The following USP15 variants were observed in gnomAD, a reference collection of about 807,000 sequenced individuals.
USP15 encodes ubiquitin carboxyl-terminal hydrolase 15.
USP15 carries 18 observed loss-of-function variants against 127.1 expected under a neutral mutation model. That is an observed-to-expected ratio of 0.14 (90% CI 0.10 to 0.21). The LOEUF (loss-of-function observed/expected upper bound fraction) is 0.21. Among genes scored for constraint, USP15 ranks in the 10% least tolerant of loss-of-function variants. The probability of loss-of-function intolerance (pLI) is 1.00; values close to 1 mark genes in which losing one functional copy is unlikely to be tolerated. For missense variants in USP15, 805 were observed against 1,159.9 expected, an observed-to-expected ratio of 0.69 and a Z score of 4.44; for synonymous variants, 364 against 393.7, an observed-to-expected ratio of 0.92 and a Z score of 0.89.
At chr12:62,276,897 T>C (rs915102163) in intron 1 of USP15, among the ~76,000 whole-genome samples, 12 of 152,126 alleles carry the variant, frequency 7.9e-5, no homozygotes, top group Non-Finnish European at 1.0e-4. Flanking sequence ...TTTTATGCAT[T>C]TTGCTGTGTA....
At chr12:62,374,614 A>C (rs2066765979) in intron 8 of USP15, 1 of 967,716 alleles carries the variant, frequency 1.0e-6, no homozygotes, top group Admixed American at 6.2e-5. Flanking sequence ...TGTTGACTGA[A>C]GACTTGAGAT....
intron 5 of USP15, among the ~76,000 whole-genome samples, chr12:62,322,267 G>C (rs2065005702): frequency 6.6e-6 from 1 of 151,960 alleles, no homozygotes; most frequent in Non-Finnish European, 1.5e-5. Flanking sequence ...AGCTGGGACT[G>C]CAGACATGTG....
chr12:62,325,023 T>G lies in USP15; in HGVS notation c.622-849T>G, dbSNP rs1005358287. Among the ~76,000 whole-genome samples, 6 of 152,194 alleles carry G rather than the reference T, an allele frequency of 3.9e-5. 1 individual carries two copies. Among genetic ancestry groups the G allele is most frequent in the African/African-American group, 1.4e-4 (6 of 41,580 alleles). On this transcript the variant is annotated intron_variant, in intron 5 of 21. Coordinates refer to ENST00000280377, the MANE Select transcript of USP15 (RefSeq NM_001252078.2). ...GTCATATTGTCTGTATTACAGTTTT[T>G]CAATGGAAATTGTAGATTTTAACTT...
intron 20 of USP15, among the ~76,000 whole-genome samples, chr12:62,399,661 A>G (rs1164144665): frequency 6.6e-6 from 1 of 152,058 alleles, no homozygotes; most frequent in Non-Finnish European, 1.5e-5. Flanking sequence ...TCTAACTTCC[A>G]TCTCTTTCTA....
At chr12:62,291,038 A>C (rs1334657360) in intron 1 of USP15, among the ~76,000 whole-genome samples, 2 of 152,180 alleles carry the variant, frequency 1.3e-5, no homozygotes, top group Non-Finnish European at 2.9e-5. Context: ...TCTCTTGCTG[A>C]GACCACACAG....
chr12:62,393,315 C>A, intron 19 of USP15, 113 bp downstream of exon 19: 1 of 1,285,424 alleles, frequency 7.8e-7, no homozygotes, highest in Non-Finnish European at 1.0e-6. Flanking sequence ...CCAATTTCAG[C>A]TTTCAAGTTT....
chr12:62,284,537 G>A (rs1242701961), intron 1 of USP15, among the ~76,000 whole-genome samples: 3 of 152,106 alleles, frequency 2.0e-5, no homozygotes, highest in Non-Finnish European at 4.4e-5. Context: ...GCTATTTTCG[G>A]ACGTAACTGT....
At chr12:62,347,243 G>A (rs2065845785) in intron 6 of USP15, among the ~76,000 whole-genome samples, 1 of 151,370 alleles carries the variant, frequency 6.6e-6, no homozygotes, top group Non-Finnish European at 1.5e-5. Flanking sequence ...AGTTCTCAGA[G>A]TTGCTAATTA....
intron 1 of USP15, among the ~76,000 whole-genome samples, chr12:62,264,024 T>C (rs2063135788): frequency 6.6e-6 from 1 of 152,214 alleles, no homozygotes; most frequent in South Asian, 2.1e-4. Context: ...AGTCTCGCTG[T>C]GTCGCCCAGG....
chr12:62,329,752 C>G (rs1342180041), intron 6 of USP15, among the ~76,000 whole-genome samples: 1 of 152,072 alleles, frequency 6.6e-6, no homozygotes, highest in Non-Finnish European at 1.5e-5. Flanking sequence ...AATTTTTCAC[C>G]CATCAAAATG....
intron 11 of USP15, among the ~76,000 whole-genome samples, chr12:62,389,184 G>T (rs2067247952): frequency 6.6e-6 from 1 of 152,088 alleles, no homozygotes; most frequent in African/African-American, 2.4e-5. Context: ...GTAATGACAG[G>T]ATCTAATAAG....
At chr12:62,273,676 T>C (rs1279531503) in intron 1 of USP15, among the ~76,000 whole-genome samples, 1 of 152,120 alleles carries the variant, frequency 6.6e-6, no homozygotes, top group Non-Finnish European at 1.5e-5. Flanking sequence ...TAGTGTTTGC[T>C]ACATTTCTAG....
At position 62,355,367 on chromosome 12, in the gene USP15, C is replaced by T. The variant is rs893626202; in HGVS notation, c.807C>T (p.Thr269=). Residue 269 remains threonine (T), a synonymous_variant, in exon 8 of 22, where the codon ACC becomes ACT. Coordinates refer to ENST00000280377, the MANE Select transcript of USP15 (RefSeq NM_001252078.2). ...CAAATTACTGTCTTCCATCATATACCGCTTATAAGAACTATGATTATTCGG... is the reference window on the plus strand; with the variant it reads ...CAAATTACTGTCTTCCATCATATACTGCTTATAAGAACTATGATTATTCGG... ...KNSNYCLPSY[T]AYKNYDYSEP... 1.1e-5 allele frequency: 17 copies of T among 1,608,818 alleles called. No individual in the cohort carries two copies. The highest frequency in any genetic ancestry group is 2.2e-5 in the South Asian group (2 of 90,426).
At chr12:62,268,224 TTAAATG>T (rs141940608) in intron 1 of USP15, among the ~76,000 whole-genome samples, 3,377 of 152,204 alleles carry the variant, frequency 0.022, 122 homozygotes, top group African/African-American at 0.076. Context: ...ACTGGGATAG[TTAAATG>T]TATATGGTCA....
intron 3 of USP15, chr12:62,303,605 C>T (rs1032485358): frequency 1.3e-5 from 2 of 151,502 alleles, no homozygotes; most frequent in Admixed American, 6.6e-5. Flanking sequence ...CCCCGACCCT[C>T]CCCCCATCCC....
chr12:62,277,245 A>G (rs182663580), intron 1 of USP15, among the ~76,000 whole-genome samples: 2 of 152,256 alleles, frequency 1.3e-5, no homozygotes, highest in Admixed American at 6.5e-5. Context: ...TGTCATGTTT[A>G]TTATGGTATT....
chr12:62,288,550 G>A (rs1011331125), intron 1 of USP15, among the ~76,000 whole-genome samples: 2 of 152,060 alleles, frequency 1.3e-5, no homozygotes, highest in Non-Finnish European at 2.9e-5. Flanking sequence ...TCAGCAAACA[G>A]AGATAACTTG....
intron 1 of USP15, among the ~76,000 whole-genome samples, chr12:62,288,590 T>C (rs1408032226): frequency 1.3e-5 from 2 of 152,176 alleles, no homozygotes; most frequent in South Asian, 2.1e-4. Context: ...GGATGACTTA[T>C]TTCTGTTGCC....
chr12:62,292,167 A>T (rs1019042788), intron 1 of USP15, among the ~76,000 whole-genome samples: 1 of 152,050 alleles, frequency 6.6e-6, no homozygotes, highest in African/African-American at 2.4e-5. Flanking sequence ...GGGCCAGGTG[A>T]TGAGCTGTCT....
Sources: gnomAD v4.1 joint callset for allele counts (sites outside exome capture counted in the v4.1 genomes callset) on GRCh38, gnomAD v4.1.1 for gene constraint, MANE v1.5 for transcripts, NCBI Gene and HGNC (gene_info 2026-07-23, HGNC 2026-07-21) for gene names.